The following SUGCT variants were observed in gnomAD, a reference collection of about 807,000 sequenced individuals.
SUGCT encodes the protein succinyl-CoA:glutarate-CoA transferase.
A neutral mutation model predicts 55.0 loss-of-function variants in SUGCT; 41 were observed. The observed-to-expected ratio is 0.74, with a 90% CI of 0.58 to 0.97. The LOEUF is 0.97. SUGCT is among the 50% of genes least tolerant of loss of function. The pLI, the probability that SUGCT is intolerant of heterozygous loss-of-function variation, is 0.00. For missense variants in SUGCT, 568 were observed against 547.8 expected (o/e 1.04, Z -0.37); for synonymous variants, 187 against 200.4 (o/e 0.93, Z 0.56).
At chr7:40,142,854 C>T (rs1788058087) in intron 1 of SUGCT, among the ~76,000 whole-genome samples, 1 of 152,226 alleles carries the variant, frequency 6.6e-6, no homozygotes, top group African/African-American at 2.4e-5. Flanking sequence ...CCCCTAATTA[C>T]TCAGCTATTC....
chr7:40,900,846 A>G, the SUGCT span, among the ~76,000 whole-genome samples: 1 of 152,248 alleles, frequency 6.6e-6, no homozygotes, highest in Non-Finnish European at 1.5e-5. Flanking sequence ...TTACAAAGTG[A>G]TTAACCTATG....
chr7:40,453,588 T>C lies in SUGCT; in HGVS notation c.888+4230T>C, dbSNP rs189789746. The stretch of plus-strand genomic sequence containing the variant: ...CTTACTAGTCAGATTCAAATAACAC[T>C]GCAAAGGCTTTGAAACCTTAATCAA... On this transcript the variant is annotated intron_variant, in intron 10 of 13. Coordinates refer to ENST00000335693, the MANE Select transcript of SUGCT (RefSeq NM_001193313.2). Among the ~76,000 whole-genome samples, 17 of 152,280 alleles carry C rather than the reference T, an allele frequency of 1.1e-4. No individual in the cohort carries two copies. The East Asian group carries it at 2.3e-3, about 21-fold the overall frequency.
At chr7:40,882,959 C>T in the SUGCT span, among the ~76,000 whole-genome samples, 8 of 152,314 alleles carry the variant, frequency 5.3e-5, no homozygotes, top group African/African-American at 1.9e-4. Flanking sequence ...CCTTTCTATG[C>T]TTCTAGTATA....
chr7:40,218,867 A>G (rs181386077), intron 6 of SUGCT, among the ~76,000 whole-genome samples: 1 of 152,340 alleles, frequency 6.6e-6, no homozygotes, highest in East Asian at 1.9e-4. Flanking sequence ...AAATGGACCA[A>G]TCAGCAGCAT....
chr7:40,684,194 G>A, intron 12 of SUGCT: 1 of 1,511,308 alleles, frequency 6.6e-7, no homozygotes, highest in East Asian at 2.3e-5. Context: ...GATAATCCAG[G>A]ATAATTTCTC....
chr7:40,787,448 C>G (rs1214743962), intron 13 of SUGCT, among the ~76,000 whole-genome samples: 1 of 151,678 alleles, frequency 6.6e-6, no homozygotes, highest in East Asian at 1.9e-4. Flanking sequence ...GCAGTCAGCA[C>G]ATACGGGGCC....
intron 1 of SUGCT, among the ~76,000 whole-genome samples, chr7:40,169,417 A>G (rs1784567660): frequency 6.6e-6 from 1 of 152,140 alleles, no homozygotes; most frequent in South Asian, 2.1e-4. Flanking sequence ...CTGGCCATTA[A>G]TGGTCAAGCA....
chr7:40,743,248 A>T (rs544677633), intron 12 of SUGCT, among the ~76,000 whole-genome samples: 31 of 152,334 alleles, frequency 2.0e-4, no homozygotes, highest in African/African-American at 7.5e-4. Context: ...AAATGACTGT[A>T]TTTTGGAAAT....
intron 9 of SUGCT, among the ~76,000 whole-genome samples, chr7:40,427,700 C>T (rs1396280667): frequency 6.6e-6 from 1 of 152,080 alleles, no homozygotes; most frequent in African/African-American, 2.4e-5. Context: ...ATGCCAGGGG[C>T]TCACTGGGAG....
intron 13 of SUGCT, among the ~76,000 whole-genome samples, chr7:40,766,511 G>T (rs1023890879): frequency 2.6e-5 from 4 of 152,126 alleles, no homozygotes; most frequent in African/African-American, 9.7e-5. Context: ...GGATATTCCT[G>T]TCATTTTTTC....
chr7:40,220,234 G>C (rs915890798), intron 6 of SUGCT, among the ~76,000 whole-genome samples: 1 of 152,144 alleles, frequency 6.6e-6, no homozygotes, highest in East Asian at 1.9e-4. Flanking sequence ...AGGCGTACTG[G>C]TATGGCTGTC....
intron 1 of SUGCT, among the ~76,000 whole-genome samples, chr7:40,162,915 G>A (rs995029945): frequency 3.9e-5 from 6 of 152,190 alleles, no homozygotes; most frequent in Non-Finnish European, 5.9e-5. Context: ...TGCCTCTGAT[G>A]CCTGGCATCT....
chr7:40,964,164 T>C, the SUGCT span, among the ~76,000 whole-genome samples: 1 of 152,222 alleles, frequency 6.6e-6, no homozygotes, highest in Admixed American at 6.5e-5. Context: ...CAATGAATCA[T>C]TCATAAATTA....
the SUGCT span, among the ~76,000 whole-genome samples, chr7:40,951,365 G>T: frequency 6.6e-6 from 1 of 151,736 alleles, no homozygotes; most frequent in South Asian, 2.1e-4. Flanking sequence ...TATTAGTCTT[G>T]CTAGCGTTCT....
At chr7:40,596,260 G>A (rs771882556) in intron 12 of SUGCT, among the ~76,000 whole-genome samples, 1 of 151,960 alleles carries the variant, frequency 6.6e-6, no homozygotes, top group Non-Finnish European at 1.5e-5. Context: ...TATTTTAATA[G>A]TTTATTCATT....
chr7:41,021,358 C>A, the SUGCT span, among the ~76,000 whole-genome samples: 14 of 152,076 alleles, frequency 9.2e-5, no homozygotes, highest in Non-Finnish European at 2.1e-4. Flanking sequence ...TATTATTTTT[C>A]CTTATATATG....
At chr7:40,321,208 T>C (rs1795723563) in intron 9 of SUGCT, among the ~76,000 whole-genome samples, 1 of 150,916 alleles carries the variant, frequency 6.6e-6, no homozygotes, top group Admixed American at 6.6e-5. Flanking sequence ...CCTGAGTAGC[T>C]GGGATTACAG....
intron 9 of SUGCT, among the ~76,000 whole-genome samples, chr7:40,337,482 G>A (rs936531637): frequency 7.2e-5 from 11 of 152,170 alleles, no homozygotes; most frequent in Non-Finnish European, 1.6e-4. Context: ...TTGTTGAATT[G>A]ATCCCTTTAC....
chr7:40,433,548 C>G (rs1023390478), intron 9 of SUGCT, among the ~76,000 whole-genome samples: 3 of 152,136 alleles, frequency 2.0e-5, no homozygotes, highest in Non-Finnish European at 2.9e-5. Flanking sequence ...GCCATCTCAT[C>G]TCCACCTTCC....
Sources: gnomAD v4.1 joint callset for allele counts (sites outside exome capture counted in the v4.1 genomes callset) on GRCh38, gnomAD v4.1.1 for gene constraint, MANE v1.5 for transcripts, NCBI Gene and HGNC (gene_info 2026-07-23, HGNC 2026-07-21) for gene names.